Variants in SLC16A7 observed in about 807,000 individuals in gnomAD.
The protein encoded by SLC16A7 is solute carrier family 16 member 7.
Under a neutral mutation model 34.9 loss-of-function variants are expected in SLC16A7, and 33 were observed. The observed-to-expected ratio is 0.94, with a 90% confidence interval of 0.72 to 1.26. The LOEUF is 1.26. SLC16A7 is among the 50% of genes most tolerant of loss of function. The probability of loss-of-function intolerance (pLI) is 0.00; values close to 1 mark genes in which losing one functional copy is unlikely to be tolerated. For missense variants in SLC16A7, 573 were observed against 578.1 expected (o/e 0.99, Z 0.09); for synonymous variants, 201 against 206.6 (o/e 0.97, Z 0.23).
At chr12:59,768,084 A>C (rs1881859736) in intron 3 of SLC16A7, 1 of 446,402 alleles carries the variant, frequency 2.2e-6, no homozygotes, top group African/African-American at 2.0e-5. Flanking sequence ...CTAGAACTTA[A>C]AGCATAATAA....
intron 1 of SLC16A7, among the ~76,000 whole-genome samples, chr12:59,622,056 T>G (rs1421019168): frequency 6.6e-6 from 1 of 151,866 alleles, no homozygotes; most frequent in Non-Finnish European, 1.5e-5. Context: ...AAACGTGGTG[T>G]GAATGCACTG....
At chr12:59,647,441 T>C (rs140070145) in intron 1 of SLC16A7, among the ~76,000 whole-genome samples, 3,889 of 152,256 alleles carry the variant, frequency 0.026, 148 homozygotes, top group African/African-American at 0.088. Context: ...CCTTCCACCA[T>C]GATTGTAAGT....
intron 3 of SLC16A7, among the ~76,000 whole-genome samples, chr12:59,717,177 T>C: frequency 6.6e-6 from 1 of 152,180 alleles, no homozygotes; most frequent in East Asian, 1.9e-4. Context: ...ATCTAGAGAC[T>C]GAGAAAATTT....
At chr12:59,737,413 AGT>A (rs1877726067) in intron 3 of SLC16A7, among the ~76,000 whole-genome samples, 2 of 152,220 alleles carry the variant, frequency 1.3e-5, no homozygotes, top group Non-Finnish European at 2.9e-5. Flanking sequence ...ATTTTTGCTT[AGT>A]AATGGACCTT....
rs190152607 is a variant in SLC16A7, at chr12:59,743,514, A to C, written c.218-27705A>C. 1.9e-3 allele frequency among the ~76,000 whole-genome samples: 294 copies of C among 152,310 alleles called. 3 individuals are homozygous for C. Among genetic ancestry groups the C allele is most frequent in the African/African-American group, 6.9e-3 (288 of 41,574 alleles). On this transcript the variant is annotated intron_variant, in intron 3 of 5. Coordinates refer to ENST00000547379, the MANE Select transcript of SLC16A7 (RefSeq NM_001270623.2). Reference sequence around the variant, plus strand: ...GCATCATAACTATCTTGTTCATCATAATCCCTGCACATAGCCTGAAAGATG... The same window carrying C: ...GCATCATAACTATCTTGTTCATCATCATCCCTGCACATAGCCTGAAAGATG...
rs1883257852 is a variant in SLC16A7, at chr12:59,781,696, G to T, written c.*2017G>T. ...TGAATTAGCTATGTTTATATTTTTA[G>T]TTCTTTTTTATTCAACTCAGATTTG... On this transcript the variant is annotated 3_prime_UTR_variant, in exon 6 of 6. Transcript: ENST00000547379. 1 of 152,332 alleles carries T rather than the reference G, an allele frequency of 6.6e-6. No homozygotes were observed. Among genetic ancestry groups the T allele is most frequent in the South Asian group, 2.1e-4 (1 of 4,812 alleles). 9.4% of individuals were successfully genotyped at this position (152,332 alleles called of 1,614,324 possible).
chr12:59,637,449 G>GC (rs1380409255), intron 1 of SLC16A7, among the ~76,000 whole-genome samples: 2 of 144,754 alleles, frequency 1.4e-5, no homozygotes, highest in Non-Finnish European at 3.0e-5. Context: ...TTCTCTTTCT[G>GC]TTTTTTTTTT....
At chr12:59,667,926 G>A (rs1402713609) in intron 2 of SLC16A7, among the ~76,000 whole-genome samples, 1 of 152,220 alleles carries the variant, frequency 6.6e-6, no homozygotes, top group African/African-American at 2.4e-5. Context: ...CCAAGGTATA[G>A]CTATATAGCT....
At chr12:59,726,484 A>G (rs1421601730) in intron 3 of SLC16A7, among the ~76,000 whole-genome samples, 2 of 152,120 alleles carry the variant, frequency 1.3e-5, no homozygotes, top group Non-Finnish European at 2.9e-5. Flanking sequence ...GATTTCAGGT[A>G]CTATGACAGA....
intron 2 of SLC16A7, among the ~76,000 whole-genome samples, chr12:59,669,147 G>A (rs1458262456): frequency 6.6e-6 from 1 of 152,094 alleles, no homozygotes; most frequent in Non-Finnish European, 1.5e-5. Context: ...ATGCTGACAG[G>A]TTCATAATTT....
intron 1 of SLC16A7, among the ~76,000 whole-genome samples, chr12:59,619,090 A>G (rs745489575): frequency 5.3e-5 from 8 of 152,102 alleles, no homozygotes; most frequent in African/African-American, 7.2e-5. Flanking sequence ...GTGACTTCAC[A>G]CTTTAACATG....
chr12:59,600,023 C>G (rs1391581343), intron 1 of SLC16A7, among the ~76,000 whole-genome samples: 1 of 152,146 alleles, frequency 6.6e-6, no homozygotes. Context: ...TTGATTTTAG[C>G]TTTGCCACTT....
chr12:59,680,701 T>G (rs536027537), intron 2 of SLC16A7, among the ~76,000 whole-genome samples: 8 of 148,974 alleles, frequency 5.4e-5, no homozygotes, highest in East Asian at 1.9e-4. Context: ...TGTATTCATG[T>G]TTTTTTTTTA....
intron 2 of SLC16A7, among the ~76,000 whole-genome samples, chr12:59,704,226 A>G (rs1324163615): frequency 8.7e-6 from 1 of 115,328 alleles, no homozygotes; most frequent in Admixed American, 8.9e-5. Context: ...AAAGAAAAAG[A>G]AAAAAAAAAG....
chr12:59,619,964 A>C (rs2136979389), intron 1 of SLC16A7, among the ~76,000 whole-genome samples: 1 of 152,094 alleles, frequency 6.6e-6, no homozygotes, highest in Middle Eastern at 3.4e-3. Context: ...ACTAAAATTC[A>C]CAAAGTTAGT....
chr12:59,648,639 C>T (rs1416375556), intron 1 of SLC16A7, among the ~76,000 whole-genome samples: 2 of 151,966 alleles, frequency 1.3e-5, no homozygotes, highest in East Asian at 1.9e-4. Context: ...AAAAAGGGCT[C>T]ATAGTTTAGG....
intron 3 of SLC16A7, among the ~76,000 whole-genome samples, chr12:59,756,058 A>G (rs899449910): frequency 6.6e-6 from 1 of 152,234 alleles, no homozygotes; most frequent in African/African-American, 2.4e-5. Context: ...AGCCATATGG[A>G]GAAAGCTGAA....
At position 59,655,166 on chromosome 12, in the gene SLC16A7, A is replaced by G. The variant is rs1868472775; in HGVS notation, c.-115A>G. ...GATTCTTCTAGGAGTCAATCTTAAG[A>G]TGTGATACTTTCCTGTGAAACCTGA... On this transcript the variant is annotated 5_prime_UTR_variant, in exon 2 of 6. An upstream start codon of the reference 5' UTR is lost. Transcript: ENST00000547379. 6.6e-6 allele frequency: 1 copy of G among 151,900 alleles called. No individual in the cohort carries two copies. Among genetic ancestry groups the G allele is most frequent in the Non-Finnish European group, 1.5e-5 (1 of 67,918 alleles). 9.4% of individuals were successfully genotyped at this position (151,900 alleles called of 1,614,324 possible).
intron 1 of SLC16A7, among the ~76,000 whole-genome samples, chr12:59,650,226 A>G (rs935648824): frequency 6.6e-6 from 1 of 152,148 alleles, no homozygotes; most frequent in Non-Finnish European, 1.5e-5. Context: ...GTTTCACAAG[A>G]CATGAAAAAG....
Sources: gnomAD v4.1 joint callset for allele counts (sites outside exome capture counted in the v4.1 genomes callset) on GRCh38, gnomAD v4.1.1 for gene constraint, MANE v1.5 for transcripts, NCBI Gene and HGNC (gene_info 2026-07-23, HGNC 2026-07-21) for gene names.